Variants in PTPRK observed in about 807,000 individuals in gnomAD.
The protein encoded by PTPRK is protein tyrosine phosphatase receptor type K, also known as receptor-type tyrosine-protein phosphatase kappa.
In PTPRK, 75 loss-of-function variants were observed where a neutral mutation model predicts 178.0. The observed-to-expected ratio is 0.42, with a 90% CI of 0.35 to 0.51. The LOEUF (loss-of-function observed/expected upper bound fraction) is 0.51, where lower values mean the gene tolerates loss of function less well. Ranked by LOEUF, PTPRK falls within the 20% of genes least tolerant of loss-of-function variation. The pLI is 0.02. For synonymous variants in PTPRK, 637 were observed against 620.6 expected (o/e 1.03, Z -0.39); for missense variants, 1,441 against 1,797.8 (o/e 0.80, Z 3.59).
intron 7 of PTPRK, among the ~76,000 whole-genome samples, chr6:128,107,638 G>A (rs1789940265): frequency 6.6e-6 from 1 of 152,138 alleles, no homozygotes; most frequent in African/African-American, 2.4e-5. Flanking sequence ...AAAAGTGTTT[G>A]TATATCAATT....
intron 1 of PTPRK, among the ~76,000 whole-genome samples, chr6:128,457,194 T>A (rs1462453517): frequency 6.6e-6 from 1 of 152,102 alleles, no homozygotes; most frequent in Non-Finnish European, 1.5e-5. Flanking sequence ...AAAATCTGAG[T>A]CATATCTATC....
chr6:128,189,789 T>C (rs1427948735), intron 6 of PTPRK, among the ~76,000 whole-genome samples: 1 of 152,148 alleles, frequency 6.6e-6, no homozygotes, highest in Non-Finnish European at 1.5e-5. Flanking sequence ...AGACAACAAA[T>C]TCACAGTGTT....
intron 2 of PTPRK, among the ~76,000 whole-genome samples, chr6:128,396,025 T>C (rs1159586418): frequency 1.3e-5 from 2 of 152,154 alleles, no homozygotes; most frequent in Non-Finnish European, 2.9e-5. Context: ...TTTGTGTGCT[T>C]GTGATAAATT....
chr6:128,123,603 A>T (rs947091154), intron 7 of PTPRK, among the ~76,000 whole-genome samples: 5 of 152,172 alleles, frequency 3.3e-5, no homozygotes, highest in African/African-American at 1.2e-4. Context: ...CAATATTGGT[A>T]CATTATTACT....
chr6:128,451,936 T>C (rs139518069), intron 1 of PTPRK, among the ~76,000 whole-genome samples: 4 of 152,334 alleles, frequency 2.6e-5, no homozygotes, highest in Non-Finnish European at 5.9e-5. Context: ...AATGAAAATA[T>C]GCTTTTCATA....
intron 13 of PTPRK, among the ~76,000 whole-genome samples, chr6:128,024,762 A>G (rs1417849732): frequency 6.6e-6 from 1 of 152,186 alleles, no homozygotes; most frequent in Non-Finnish European, 1.5e-5. Context: ...GTGAGCCGAG[A>G]TCGTGGCACT....
chr6:128,023,866 C>T (rs1396239685), intron 13 of PTPRK, among the ~76,000 whole-genome samples: 2 of 151,306 alleles, frequency 1.3e-5, no homozygotes, highest in Admixed American at 1.3e-4. Context: ...GGTGAGGTGC[C>T]TCCATGTTGT....
chr6:128,364,700 T>A (rs1001318984), intron 2 of PTPRK, among the ~76,000 whole-genome samples: 1 of 152,040 alleles, frequency 6.6e-6, no homozygotes, highest in Non-Finnish European at 1.5e-5. Flanking sequence ...ATATGGATAA[T>A]TATTAATCTC....
At chr6:128,459,857 T>C (rs1342329115) in intron 1 of PTPRK, among the ~76,000 whole-genome samples, 1 of 152,104 alleles carries the variant, frequency 6.6e-6, no homozygotes, top group Non-Finnish European at 1.5e-5. Flanking sequence ...ATCCCACAAG[T>C]TGTACAGGCA....
intron 13 of PTPRK, among the ~76,000 whole-genome samples, chr6:128,053,270 C>A (rs529603311): frequency 6.6e-6 from 1 of 152,152 alleles, no homozygotes; most frequent in South Asian, 2.1e-4. Context: ...GCCATCTCTG[C>A]TGTCACCTCC....
At chr6:128,108,837 T>C (rs1790154639) in intron 7 of PTPRK, among the ~76,000 whole-genome samples, 1 of 152,094 alleles carries the variant, frequency 6.6e-6, no homozygotes, top group South Asian at 2.1e-4. Context: ...AGATTACAGA[T>C]AGCTGCCTTC....
intron 3 of PTPRK, among the ~76,000 whole-genome samples, chr6:128,259,605 A>T (rs950835534): frequency 1.3e-5 from 2 of 152,194 alleles, no homozygotes; most frequent in African/African-American, 4.8e-5. Flanking sequence ...TTCTTCAATG[A>T]TTTCGTTACT....
In PTPRK at chr6:128,462,905, C is replaced by T. The variant is rs138482614; in HGVS notation, c.100+57354G>A. ...CTCCTGACCTTGGGTGATCCACCTG[C>T]CTTGGCCTCCTAAAGTGCTGGGATT... On this transcript the variant is annotated intron_variant, in intron 1 of 29. Coordinates refer to ENST00000368226, the MANE Select transcript of PTPRK (RefSeq NM_002844.4). Among the ~76,000 whole-genome samples the T allele has an allele frequency of 9.1e-3, 1,387 of 152,170 alleles. 23 individuals are homozygous for T. The highest frequency in any genetic ancestry group is 0.031 in the African/African-American group (1,307 of 41,522).
At chr6:128,239,578 C>A (rs1014954145) in intron 5 of PTPRK, among the ~76,000 whole-genome samples, 7 of 152,124 alleles carry the variant, frequency 4.6e-5, no homozygotes, top group Non-Finnish European at 7.4e-5. Flanking sequence ...CCCTCAAACT[C>A]AAAAATTTAA....
intron 2 of PTPRK, among the ~76,000 whole-genome samples, chr6:128,394,587 G>A (rs1291295784): frequency 1.3e-5 from 2 of 152,098 alleles, no homozygotes; most frequent in Non-Finnish European, 2.9e-5. Flanking sequence ...AATTTCATAT[G>A]ATTTGGGGAC....
At chr6:128,358,761 CAGT>C (rs1834301175) in intron 2 of PTPRK, among the ~76,000 whole-genome samples, 1 of 152,158 alleles carries the variant, frequency 6.6e-6, no homozygotes, top group Admixed American at 6.5e-5. Flanking sequence ...CAAAAATATC[CAGT>C]GCATTACCTC....
intron 7 of PTPRK, among the ~76,000 whole-genome samples, chr6:128,156,695 A>C (rs1406936458): frequency 6.6e-6 from 1 of 151,986 alleles, no homozygotes; most frequent in Non-Finnish European, 1.5e-5. Context: ...CTGGCAACAA[A>C]AAGATGAGAG....
At chr6:128,079,815 C>A (rs564749229) in intron 10 of PTPRK, among the ~76,000 whole-genome samples, 2 of 152,080 alleles carry the variant, frequency 1.3e-5, no homozygotes, top group South Asian at 2.1e-4. Flanking sequence ...AAAATTATAG[C>A]AAAATGTTAG....
At chr6:128,352,629 T>C (rs1833349588) in intron 2 of PTPRK, among the ~76,000 whole-genome samples, 1 of 152,190 alleles carries the variant, frequency 6.6e-6, no homozygotes, top group Non-Finnish European at 1.5e-5. Context: ...TCTTTGCATG[T>C]GGAGTTCCCT....
Sources: gnomAD v4.1 joint callset for allele counts (sites outside exome capture counted in the v4.1 genomes callset) on GRCh38, gnomAD v4.1.1 for gene constraint, MANE v1.5 for transcripts, NCBI Gene and HGNC (gene_info 2026-07-23, HGNC 2026-07-21) for gene names.